The following SLC26A4 variants were observed in gnomAD, a reference collection of about 807,000 sequenced individuals.
SLC26A4 encodes solute carrier family 26 member 4.
SLC26A4 carries 93 observed loss-of-function variants against 90.4 expected under a neutral mutation model. That is an observed-to-expected ratio of 1.03 (90% confidence interval 0.87 to 1.22). The LOEUF (loss-of-function observed/expected upper bound fraction) is 1.22, where lower values mean the gene tolerates loss of function less well. Among genes scored for constraint, SLC26A4 ranks in the 50% most tolerant of loss-of-function variants. The pLI is 0.00. For missense variants in SLC26A4, 1,127 were observed against 946.2 expected (o/e 1.19, Z -2.51); for synonymous variants, 393 against 354.6 (o/e 1.11, Z -1.22).
At position 107,661,912 on chromosome 7, in the gene SLC26A4, C is replaced by A; in HGVS notation, c.164+107C>A. 7.9e-7 allele frequency: 1 copy of A among 1,273,660 alleles called. No individual in the cohort carries two copies. The highest frequency in any genetic ancestry group is 1.1e-6 in the Non-Finnish European group (1 of 945,694). The allele number at this position is 1,273,660 out of a possible 1,614,324, so 78.9% of individuals were successfully genotyped here. ...GAGAGTGGGGTGCGGGCGGCGGAGC[C>A]CCTGGGCGCCAGCTGCTTCTCCCAG... On this transcript the variant is annotated intron_variant, in intron 2 of 20. Transcript: ENST00000644269. This position sits in a 1 kb window ranked among gnomAD's most constrained non-coding sequence, Gnocchi z 5.1.
At chr7:107,708,541 A>T (rs1345235131) in intron 18 of SLC26A4, among the ~76,000 whole-genome samples, 4 of 152,178 alleles carry the variant, frequency 2.6e-5, no homozygotes, top group Non-Finnish European at 4.4e-5. Flanking sequence ...TCTGATTGCC[A>T]AGCTAGAGTT....
intron 3 of SLC26A4, among the ~76,000 whole-genome samples, chr7:107,668,244 G>A (rs143607217): frequency 6.6e-6 from 1 of 152,302 alleles, no homozygotes; most frequent in East Asian, 1.9e-4. Flanking sequence ...AAAAAAGGGA[G>A]TTAAGAATAT....
At position 107,695,971 on chromosome 7, in the gene SLC26A4, G is replaced by A; in HGVS notation, c.1476G>A (p.Leu492=). The A allele has an allele frequency of 1.2e-6, 2 of 1,612,100 alleles. No individual in the cohort carries two copies. The highest frequency in any genetic ancestry group is 1.7e-6 in the Non-Finnish European group (2 of 1,178,346). The stretch of plus-strand genomic sequence containing the variant: ...TTACGTGTATAGTGTCCATCATTCT[G>A]GGGCTGGATCTCGGTTTACTAGCTG... ...WVFTCIVSII[L]GLDLGLLAGL... Residue 492 remains leucine, a synonymous_variant, in exon 13 of 21, where the codon CTG becomes CTA. Coordinates refer to ENST00000644269, the MANE Select transcript of SLC26A4 (RefSeq NM_000441.2).
Position 107,701,188 on chromosome 7 carries a change from G to A in SLC26A4, c.1795G>A (p.Ala599Thr), listed in dbSNP as rs1422187167. 4 of 1,594,006 alleles carry A rather than the reference G, an allele frequency of 2.5e-6. No individual in the cohort carries two copies. In the African/African-American group the frequency reaches 5.4e-5, roughly 21 times the overall value. Residue 599 changes from alanine (A) to threonine (T), a missense_variant, in exon 16 of 21, where the codon GCA (alanine) becomes ACA (threonine). Transcript: ENST00000644269. ...ACTAATAAAAAGTGGACAATTAAGA[G>A]CAACAAAGGTGAGATGACATCTTTC... The part of the protein sequence containing the change: ...QKLIKSGQLR[A>T]TKNGIISDAV...
In SLC26A4 at chr7:107,701,815, T is replaced by G. The variant is rs772041663; in HGVS notation, c.1804-12T>G. The G allele has an allele frequency of 4.6e-6, 7 of 1,517,974 alleles. No individual in the cohort carries two copies. In the Admixed American group the frequency reaches 1.2e-4, roughly 25 times the overall value. 94.0% of individuals were successfully genotyped at this position (1,517,974 alleles called of 1,614,324 possible). A position where few individuals can be genotyped will look rare whatever the true frequency, so the allele number is the denominator to read the frequency against. ...CTTTGACAATTAAGTTGACAGTGTTTTCTTCGTTTAGAATGGCATCATAAG... is the reference window on the plus strand; with the variant it reads ...CTTTGACAATTAAGTTGACAGTGTTGTCTTCGTTTAGAATGGCATCATAAG... On this transcript the variant is annotated splice_polypyrimidine_tract_variant and intron_variant, in intron 16 of 20. Transcript: ENST00000644269.
At chr7:107,665,189 T>A (rs1790674421) in intron 3 of SLC26A4, among the ~76,000 whole-genome samples, 1 of 152,166 alleles carries the variant, frequency 6.6e-6, no homozygotes, top group African/African-American at 2.4e-5. Flanking sequence ...GGGGTGGGGA[T>A]GGCTTGAAAA....
intron 12 of SLC26A4, 103 bp from the exon 13 acceptor site, chr7:107,695,830 G>T: frequency 1.3e-6 from 1 of 777,484 alleles, no homozygotes. Context: ...AAAAAAAAAT[G>T]TAATTTGTTT....
intron 4 of SLC26A4, among the ~76,000 whole-genome samples, chr7:107,673,749 G>A (rs991652337): frequency 6.6e-6 from 1 of 152,070 alleles, no homozygotes; most frequent in Non-Finnish European, 1.5e-5. Flanking sequence ...TTGTTGTTGA[G>A]ACAGAATCTG....
chr7:107,668,334 C>G (rs1414994263), intron 3 of SLC26A4, among the ~76,000 whole-genome samples: 1 of 152,064 alleles, frequency 6.6e-6, no homozygotes. Flanking sequence ...GAAAGTGGAT[C>G]GGTTAATTAA....
chr7:107,662,722 G>A (rs1326041025), intron 2 of SLC26A4, among the ~76,000 whole-genome samples: 1 of 152,080 alleles, frequency 6.6e-6, no homozygotes, highest in Non-Finnish European at 1.5e-5. Context: ...TCCCATAAAT[G>A]CCTTAATTAA....
In SLC26A4 at chr7:107,710,150, T is replaced by C. The variant is rs1045933779; in HGVS notation, c.2186T>C (p.Leu729Pro). 7.5e-6 allele frequency: 12 copies of C among 1,609,734 alleles called. No homozygotes were observed. The highest frequency in any genetic ancestry group is 1.0e-5 in the Non-Finnish European group (12 of 1,175,980). ...FLTVHDAILY[L>P]QNQVKSQEGQ... ...ACGGTCCATGATGCTATACTCTATC[T>C]ACAGAACCAAGTGAAATCTCAAGAG... is the stretch of plus-strand genomic sequence containing the variant. Residue 729 changes from leucine to proline, a missense_variant, in exon 19 of 21, where the codon CTA becomes CCA. Leu to Pro is a moderately conservative substitution (Grantham distance 98). Coordinates refer to ENST00000644269, the MANE Select transcript of SLC26A4 (RefSeq NM_000441.2).
At chr7:107,666,639 G>A (rs1420983687) in intron 3 of SLC26A4, among the ~76,000 whole-genome samples, 1 of 152,174 alleles carries the variant, frequency 6.6e-6, no homozygotes, top group African/African-American at 2.4e-5. Flanking sequence ...GAAAAAAAGA[G>A]TGTACCAGGT....
intron 3 of SLC26A4, among the ~76,000 whole-genome samples, chr7:107,667,460 TTAAAAAAA>T (rs1790747618): frequency 3.8e-5 from 1 of 26,426 alleles, no homozygotes; most frequent in Admixed American, 6.9e-4. Context: ...GAGAGAAGGT[TTAAAAAAA>T]AAAAAAAAAA....
intron 13 of SLC26A4, among the ~76,000 whole-genome samples, chr7:107,697,569 T>TA (rs1791774287): frequency 6.6e-6 from 1 of 152,124 alleles, no homozygotes; most frequent in Non-Finnish European, 1.5e-5. Flanking sequence ...CCTATTTCTA[T>TA]AAAAAATGAC....
At chr7:107,708,989 A>G (rs565279236) in intron 18 of SLC26A4, among the ~76,000 whole-genome samples, 1 of 152,308 alleles carries the variant, frequency 6.6e-6, no homozygotes, top group Admixed American at 6.5e-5. Flanking sequence ...CTTTAGCAGC[A>G]GAGCCCAAGA....
At chr7:107,697,289 C>T (rs1463066818) in intron 13 of SLC26A4, among the ~76,000 whole-genome samples, 1 of 152,202 alleles carries the variant, frequency 6.6e-6, no homozygotes, top group Non-Finnish European at 1.5e-5. Flanking sequence ...CAAGGAATAA[C>T]TGGTGGCACA....
At position 107,700,128 on chromosome 7, in the gene SLC26A4, A is replaced by G. The variant is rs1172075525; in HGVS notation, c.1660A>G (p.Ile554Val). ...GVKILRFSSP[I>V]FYGNVDGFKK... ...GAAGATTCTTAGATTTTCCAGTCCT[A>G]TTTTCTATGGCAATGTCGATGGTTT... Residue 554 changes from isoleucine (I) to valine (V), a missense_variant, in exon 15 of 21, where the codon ATT becomes GTT. By Grantham distance (29) the Ile-to-Val change is conservative. Transcript: ENST00000644269. 6.3e-7 allele frequency: 1 copy of G among 1,593,332 alleles called. No homozygotes were observed. Among genetic ancestry groups the G allele is most frequent in the Admixed American group, 1.7e-5 (1 of 59,970 alleles).
At chr7:107,698,310 C>G (rs1791797178) in intron 14 of SLC26A4, among the ~76,000 whole-genome samples, 199 bp downstream of exon 14, 1 of 151,762 alleles carries the variant, frequency 6.6e-6, no homozygotes. Flanking sequence ...TCTATGCTAG[C>G]TGAATGTCTT....
At chr7:107,681,836 A>G (rs951185173) in intron 6 of SLC26A4, among the ~76,000 whole-genome samples, 1 of 151,920 alleles carries the variant, frequency 6.6e-6, no homozygotes, top group African/African-American at 2.4e-5. Context: ...TGTAACCCCA[A>G]CACTTTGAGA....
Sources: gnomAD v4.1 joint callset for allele counts (sites outside exome capture counted in the v4.1 genomes callset) on GRCh38, gnomAD v4.1.1 for gene constraint, Gnocchi (gnomAD v3.1) non-coding constraint, MANE v1.5 for transcripts, NCBI Gene and HGNC (gene_info 2026-07-23, HGNC 2026-07-21) for gene names.